Variants in CNTLN observed in about 807,000 individuals in gnomAD.
The protein encoded by CNTLN is centlein, centrosomal protein.
A neutral mutation model predicts 180.0 loss-of-function variants in CNTLN; 212 were observed. The observed-to-expected ratio is 1.18, with a 90% CI of 1.05 to 1.32. The LOEUF is 1.32. Among genes scored for constraint, CNTLN ranks in the 40% most tolerant of loss-of-function variants. The pLI, the probability that CNTLN is intolerant of heterozygous loss-of-function variation, is 0.00. For missense variants in CNTLN, 2,095 were observed against 1,610.9 expected, an observed-to-expected ratio of 1.30 and a Z score of -5.14; for synonymous variants, 722 against 563.1, an observed-to-expected ratio of 1.28 and a Z score of -3.99.
intron 13 of CNTLN, among the ~76,000 whole-genome samples, chr9:17,371,848 A>G (rs1469622362): frequency 1.3e-5 from 2 of 152,148 alleles, no homozygotes; most frequent in African/African-American, 4.8e-5. Flanking sequence ...AAATTAAACA[A>G]TGTGCTCCTG....
intron 18 of CNTLN, among the ~76,000 whole-genome samples, chr9:17,420,354 A>G (rs998529962): frequency 6.6e-6 from 1 of 152,204 alleles, no homozygotes; most frequent in Non-Finnish European, 1.5e-5. Context: ...ATTGGCATAT[A>G]GTTGGTGACA....
intron 6 of CNTLN, among the ~76,000 whole-genome samples, chr9:17,289,498 C>T (rs1271103811): frequency 7.3e-6 from 1 of 137,370 alleles, no homozygotes; most frequent in Non-Finnish European, 1.5e-5. Context: ...TGGAGTTGCT[C>T]TTCTGGAGGA....
Position 17,464,624 on chromosome 9 carries a change from G to C in CNTLN, c.3531+1G>C, listed in dbSNP as rs199965039. 8 of 1,434,990 alleles carry C rather than the reference G, an allele frequency of 5.6e-6. No individual in the cohort carries two copies. In the African/African-American group the frequency reaches 7.5e-5, roughly 14 times the overall value. The allele number at this position is 1,434,990 out of a possible 1,614,324, so 88.9% of individuals were successfully genotyped here. On this transcript the variant is annotated splice_donor_variant, in intron 21 of 25. Coordinates refer to ENST00000380647, the MANE Select transcript of CNTLN (RefSeq NM_017738.4). LOFTEE classifies it high-confidence loss of function. ...AATGTTACAAAATCTTGATAAAAAG[G>C]TATCAATTTTTATCTTTACTGACAC...
At chr9:17,202,416 G>A (rs1395656716) in intron 2 of CNTLN, among the ~76,000 whole-genome samples, 1 of 151,786 alleles carries the variant, frequency 6.6e-6, no homozygotes, top group East Asian at 1.9e-4. Context: ...ATTATTGACA[G>A]TGGGGTGTTA....
intron 2 of CNTLN, among the ~76,000 whole-genome samples, chr9:17,214,334 G>T (rs1823567987): frequency 6.6e-6 from 1 of 152,174 alleles, no homozygotes; most frequent in Non-Finnish European, 1.5e-5. Flanking sequence ...GGCTGGATAT[G>T]AAATTCTGGG....
At chr9:17,211,174 TTTTTATGG>T (rs1823276885) in intron 2 of CNTLN, among the ~76,000 whole-genome samples, 2 of 152,124 alleles carry the variant, frequency 1.3e-5, no homozygotes, top group African/African-American at 2.4e-5. Flanking sequence ...TCTTCTAGGG[TTTTTATGG>T]TTTTAGGTCT....
chr9:17,453,580 C>G (rs898302432), intron 18 of CNTLN, among the ~76,000 whole-genome samples: 1 of 152,184 alleles, frequency 6.6e-6, no homozygotes, highest in South Asian at 2.1e-4. Flanking sequence ...TGAGAAACAA[C>G]ATATGCATTC....
At chr9:17,518,770 C>G in the CNTLN span, among the ~76,000 whole-genome samples, 1 of 152,180 alleles carries the variant, frequency 6.6e-6, no homozygotes, top group Non-Finnish European at 1.5e-5. Context: ...TCCCTACCTT[C>G]TCCTTCCTGC....
Position 17,135,364 on chromosome 9 carries a change from C to G in CNTLN, c.299C>G (p.Thr100Ser). Residue 100 changes from threonine to serine, a missense_variant, in exon 1 of 26, where the codon ACC becomes AGC. By Grantham distance (58) the Thr-to-Ser change is moderately conservative. Transcript: ENST00000380647. ...ATCTCGGTAGAGGAGGCGATGGTGA[C>G]CCGGACGCAGCTGCTGGAGGAAGAG... is the stretch of plus-strand genomic sequence containing the variant. ...EGISVEEAMV[T>S]RTQLLEEELS... 6.2e-7 allele frequency: 1 copy of G among 1,600,218 alleles called. No homozygotes were observed. Among genetic ancestry groups the G allele is most frequent in the Non-Finnish European group, 8.5e-7 (1 of 1,174,362 alleles).
intron 6 of CNTLN, among the ~76,000 whole-genome samples, chr9:17,279,067 G>A (rs1363515376): frequency 2.0e-5 from 3 of 151,730 alleles, no homozygotes; most frequent in East Asian, 1.9e-4. Flanking sequence ...AAACTGATAC[G>A]AAAAACCTTG....
intron 16 of CNTLN, 106 bp downstream of exon 16, chr9:17,409,579 CAAGTT>C: frequency 1.2e-6 from 1 of 800,400 alleles, no homozygotes; most frequent in East Asian, 2.8e-5. Context: ...TGAATTCTTA[CAAGTT>C]AAGTCTTTAA....
At chr9:17,525,330 A>G in the CNTLN span, among the ~76,000 whole-genome samples, 3 of 152,204 alleles carry the variant, frequency 2.0e-5, no homozygotes, top group Non-Finnish European at 4.4e-5. Flanking sequence ...AGGTAAAGTC[A>G]CTAAATTATG....
intron 1 of CNTLN, 141 bp from the exon 2 acceptor site, chr9:17,143,147 C>A: frequency 3.6e-6 from 2 of 560,240 alleles, no homozygotes; most frequent in South Asian, 2.3e-5. Flanking sequence ...AGTTTTACCC[C>A]ATTCCTTTAA....
At chr9:17,242,299 A>C (rs1825540280) in intron 5 of CNTLN, among the ~76,000 whole-genome samples, 1 of 144,068 alleles carries the variant, frequency 6.9e-6, no homozygotes, top group Non-Finnish European at 1.5e-5. Flanking sequence ...TGAAATGATC[A>C]TGTGGTTTTT....
chr9:17,301,127 A>G, intron 7 of CNTLN: 4 of 985,402 alleles, frequency 4.1e-6, no homozygotes, highest in Non-Finnish European at 4.8e-6. Flanking sequence ...AGAAGATAAG[A>G]TATCAAAGAG....
At chr9:17,157,458 A>T (rs1018958463) in intron 2 of CNTLN, among the ~76,000 whole-genome samples, 1 of 152,198 alleles carries the variant, frequency 6.6e-6, no homozygotes, top group Non-Finnish European at 1.5e-5. Flanking sequence ...GGAAGAAAGA[A>T]GAGAAAAGAG....
intron 16 of CNTLN, among the ~76,000 whole-genome samples, chr9:17,410,064 T>C (rs748055397): frequency 1.3e-5 from 2 of 152,160 alleles, no homozygotes; most frequent in Non-Finnish European, 2.9e-5. Context: ...CAAAAACATT[T>C]ATTTTTTGAG....
At chr9:17,515,979 C>A in the CNTLN span, among the ~76,000 whole-genome samples, 2 of 152,158 alleles carry the variant, frequency 1.3e-5, no homozygotes, top group African/African-American at 4.8e-5. Context: ...ACTTCATCTT[C>A]TTCCTCTCCT....
intron 18 of CNTLN, among the ~76,000 whole-genome samples, chr9:17,450,308 A>C (rs1214063773): frequency 6.6e-6 from 1 of 152,162 alleles, no homozygotes; most frequent in African/African-American, 2.4e-5. Flanking sequence ...ACACTTCATG[A>C]AAAGAGTTTT....
Sources: gnomAD v4.1 joint callset for allele counts (sites outside exome capture counted in the v4.1 genomes callset) on GRCh38, gnomAD v4.1.1 for gene constraint, MANE v1.5 for transcripts, NCBI Gene and HGNC (gene_info 2026-07-23, HGNC 2026-07-21) for gene names.